Variants in XKR6 observed in about 807,000 individuals in gnomAD.
XKR6 encodes XK related 6, also known as XK-related protein 6.
In XKR6, 22 loss-of-function variants were observed where a neutral mutation model predicts 56.7. The ratio of observed to expected loss-of-function variants is 0.39; its 90% CI spans 0.28 to 0.55. The LOEUF is 0.55. XKR6 is among the 20% of genes least tolerant of loss of function. The pLI is 0.66. For missense variants in XKR6, 852 were observed against 889.0 expected, an observed-to-expected ratio of 0.96 and a Z score of 0.53; for synonymous variants, 524 against 387.8, an observed-to-expected ratio of 1.35 and a Z score of -4.13.
intron 1 of XKR6, among the ~76,000 whole-genome samples, chr8:11,103,198 G>A (rs1230415736): frequency 6.6e-6 from 1 of 152,120 alleles, no homozygotes; most frequent in Non-Finnish European, 1.5e-5. Flanking sequence ...AAAATCCAGG[G>A]AGAAGACAGA....
chr8:10,999,700 G>A (rs1798196002), intron 1 of XKR6, among the ~76,000 whole-genome samples: 1 of 152,144 alleles, frequency 6.6e-6, no homozygotes, highest in African/African-American at 2.4e-5. Context: ...TCCAACAAAG[G>A]ATGTTCTGCA....
chr8:10,976,384 C>T (rs994151067), intron 1 of XKR6, among the ~76,000 whole-genome samples: 6 of 152,166 alleles, frequency 3.9e-5, no homozygotes, highest in Admixed American at 6.5e-5. Context: ...AAGCTGCCAC[C>T]GGGAAGACCA....
chr8:11,149,638 T>G (rs1586618037), intron 1 of XKR6, among the ~76,000 whole-genome samples: 2 of 151,546 alleles, frequency 1.3e-5, no homozygotes, highest in East Asian at 1.9e-4. Context: ...CCACTGTTAC[T>G]GTTGCTGAGA....
chr8:10,965,140 C>T (rs1045096490), intron 1 of XKR6, among the ~76,000 whole-genome samples: 13 of 152,216 alleles, frequency 8.5e-5, no homozygotes, highest in African/African-American at 3.1e-4. Flanking sequence ...CAAGCTCTGG[C>T]CTCATGGATG....
intron 1 of XKR6, chr8:11,108,545 GGC>G (rs1247431458): frequency 1.1e-5 from 4 of 357,526 alleles, no homozygotes; most frequent in Non-Finnish European, 2.2e-5. Flanking sequence ...GGAGGACTGT[GGC>G]TCAGCGGCCT....
rs549289769 is a variant in XKR6 at position 10,964,380 on chromosome 8, G to C, written c.765-39550C>G. Among the ~76,000 whole-genome samples, 306 of 152,248 alleles carry C rather than the reference G, an allele frequency of 2.0e-3. 1 individual carries two copies. The highest frequency in any genetic ancestry group is 7.1e-3 in the African/African-American group (293 of 41,548). On this transcript the variant is annotated intron_variant, in intron 1 of 2. Coordinates refer to ENST00000416569, the MANE Select transcript of XKR6 (RefSeq NM_173683.4). ...GTCCTGATGACATGGAGCCTTCTTT[G>C]GGCTGGAGCTTAGACCTGGAGGCTC... is the stretch of plus-strand genomic sequence containing the variant.
intron 1 of XKR6, among the ~76,000 whole-genome samples, chr8:11,115,456 T>C (rs1799125981): frequency 6.6e-6 from 1 of 152,270 alleles, no homozygotes; most frequent in African/African-American, 2.4e-5. Flanking sequence ...GCCCTAGCTA[T>C]ACTGTAATGA....
At chr8:10,926,361 G>T (rs1279704490) in intron 1 of XKR6, among the ~76,000 whole-genome samples, 1 of 152,232 alleles carries the variant, frequency 6.6e-6, no homozygotes, top group Admixed American at 6.5e-5. Context: ...ACACATGCCA[G>T]GTGCAGTAAG....
chr8:11,092,540 G>A (rs1798107747), intron 1 of XKR6, among the ~76,000 whole-genome samples: 1 of 152,146 alleles, frequency 6.6e-6, no homozygotes, highest in African/African-American at 2.4e-5. Flanking sequence ...TCTGCAGTGG[G>A]GACAGGGGGT....
chr8:10,951,473 T>C (rs913912353), intron 1 of XKR6, among the ~76,000 whole-genome samples: 5 of 152,160 alleles, frequency 3.3e-5, no homozygotes, highest in African/African-American at 7.2e-5. Flanking sequence ...GGCGGCTGCA[T>C]CGGGAAGAAC....
At chr8:11,107,531 A>T (rs145124366) in intron 1 of XKR6, among the ~76,000 whole-genome samples, 2 of 152,134 alleles carry the variant, frequency 1.3e-5, no homozygotes, top group South Asian at 2.1e-4. Context: ...CCCCACATTT[A>T]TATCAACCAG....
chr8:10,979,484 C>A (rs1278987804), intron 1 of XKR6, among the ~76,000 whole-genome samples: 2 of 152,074 alleles, frequency 1.3e-5, no homozygotes, highest in Non-Finnish European at 2.9e-5. Context: ...ACACCAGAGC[C>A]AGTCCCTTTC....
intron 1 of XKR6, among the ~76,000 whole-genome samples, chr8:11,013,743 C>T (rs963604081): frequency 2.0e-5 from 3 of 152,200 alleles, no homozygotes; most frequent in African/African-American, 7.2e-5. Context: ...TATACCAATT[C>T]CCCACCCATG....
At chr8:11,192,440 G>T (rs573179603) in intron 1 of XKR6, among the ~76,000 whole-genome samples, 1 of 152,042 alleles carries the variant, frequency 6.6e-6, no homozygotes, top group South Asian at 2.1e-4. Context: ...GAGCCACAGC[G>T]CCTGGCCTAC....
chr8:11,025,021 T>G (rs1049082578), intron 1 of XKR6, among the ~76,000 whole-genome samples: 1 of 152,166 alleles, frequency 6.6e-6, no homozygotes, highest in Non-Finnish European at 1.5e-5. Context: ...GGTGGTGCAG[T>G]CTGATTGATC....
intron 1 of XKR6, among the ~76,000 whole-genome samples, chr8:11,165,096 T>TA (rs2117024757): frequency 7.4e-6 from 1 of 134,862 alleles, no homozygotes; most frequent in African/African-American, 2.9e-5. Context: ...TCACCTTTTT[T>TA]TTTTTTTTTT....
At chr8:10,949,964 C>T (rs1015699891) in intron 1 of XKR6, among the ~76,000 whole-genome samples, 3 of 152,288 alleles carry the variant, frequency 2.0e-5, no homozygotes, top group Admixed American at 6.5e-5. Context: ...ATGGCCCTCT[C>T]CTGGCTCCTC....
chr8:11,029,644 TG>T (rs1235479138), intron 1 of XKR6, among the ~76,000 whole-genome samples: 1 of 152,158 alleles, frequency 6.6e-6, no homozygotes, highest in African/African-American at 2.4e-5. Context: ...CACCAGTCTC[TG>T]GCTTTCTTCA....
At chr8:11,160,432 G>A (rs752049280) in intron 1 of XKR6, among the ~76,000 whole-genome samples, 1 of 151,978 alleles carries the variant, frequency 6.6e-6, no homozygotes, top group Non-Finnish European at 1.5e-5. Flanking sequence ...TGAAATAAAA[G>A]GAAGAGACAG....
Sources: gnomAD v4.1 joint callset for allele counts (sites outside exome capture counted in the v4.1 genomes callset) on GRCh38, gnomAD v4.1.1 for gene constraint, MANE v1.5 for transcripts, NCBI Gene and HGNC (gene_info 2026-07-23, HGNC 2026-07-21) for gene names.